PCDHGA3: variants seen among roughly 807,000 people sequenced by gnomAD.
PCDHGA3 encodes the protein protocadherin gamma-A3.
PCDHGA3 carries 40 observed loss-of-function variants against 58.5 expected under a neutral mutation model. The ratio of observed to expected loss-of-function variants is 0.68; its 90% CI spans 0.53 to 0.89. PCDHGA3 has a LOEUF of 0.89. PCDHGA3 is among the 40% of genes least tolerant of loss of function. PCDHGA3 has a pLI of 0.00. For missense variants in PCDHGA3, 1,223 were observed against 1,195.9 expected, an observed-to-expected ratio of 1.02 and a Z score of -0.33; for synonymous variants, 530 against 525.7, an observed-to-expected ratio of 1.01 and a Z score of -0.11.
chr5:141,432,700 G>A lies in PCDHGA3; in HGVS notation c.2425-62107G>A. On this transcript the variant is annotated intron_variant, in intron 1 of 3. Transcript: ENST00000253812. The surrounding 1 kb of genome is among the most constrained non-coding windows in gnomAD (Gnocchi z 6.0). ...AGCAGAGCCTCGTAGTGGCCGTCCAGGACCACGGCCAGCCCCCTCTCTCCG... is the reference window on the plus strand; with the variant it reads ...AGCAGAGCCTCGTAGTGGCCGTCCAAGACCACGGCCAGCCCCCTCTCTCCG... The A allele has an allele frequency of 6.2e-7, 1 of 1,613,980 alleles. No individual in the cohort carries two copies. The highest frequency in any genetic ancestry group is 8.5e-7 in the Non-Finnish European group (1 of 1,179,978).
Position 141,485,716 on chromosome 5 carries a change from T to C in PCDHGA3, c.2425-9091T>C. Reference sequence around the variant, plus strand: ...GCTCCAATGAACACTTTGCACTGGATGTGAAGAAGCGCAGCGACGGCAGCC... The same window carrying C: ...GCTCCAATGAACACTTTGCACTGGACGTGAAGAAGCGCAGCGACGGCAGCC... On this transcript the variant is annotated intron_variant, in intron 1 of 3. Coordinates refer to ENST00000253812, the MANE Select transcript of PCDHGA3 (RefSeq NM_018916.4). The surrounding 1 kb of genome is among the most constrained non-coding windows in gnomAD (Gnocchi z 5.7). The C allele has an allele frequency of 6.2e-7, 1 of 1,614,044 alleles. No individual in the cohort carries two copies. Among genetic ancestry groups the C allele is most frequent in the Non-Finnish European group, 8.5e-7 (1 of 1,180,002 alleles).
intron 1 of PCDHGA3, chr5:141,361,189 G>C: frequency 6.2e-7 from 1 of 1,613,964 alleles, no homozygotes; most frequent in Non-Finnish European, 8.5e-7. Flanking sequence ...TGTGACTTCA[G>C]TATCTACTCC....
At chr5:141,434,980 CTA>C in intron 1 of PCDHGA3, among the ~76,000 whole-genome samples, 1 of 151,954 alleles carries the variant, frequency 6.6e-6, no homozygotes, top group East Asian at 1.9e-4. Flanking sequence ...TGTTAATACT[CTA>C]TATCATTTTC....
rs773609097 is a variant in PCDHGA3 at position 141,408,614 on chromosome 5, A to C, written c.2424+62157A>C. 2.2e-5 allele frequency: 36 copies of C among 1,614,008 alleles called. No individual in the cohort carries two copies. Among genetic ancestry groups the C allele is most frequent in the Non-Finnish European group, 3.1e-5 (36 of 1,179,890 alleles). On this transcript the variant is annotated intron_variant, in intron 1 of 3. Coordinates refer to ENST00000253812, the MANE Select transcript of PCDHGA3 (RefSeq NM_018916.4). The stretch of plus-strand genomic sequence containing the variant: ...CGCCCCTCAATTTGATAAAAAGGAA[A>C]TACATTTAGAAATTTTCGAATCTGC...
At chr5:141,410,585 G>A in intron 1 of PCDHGA3, 1 of 1,610,012 alleles carries the variant, frequency 6.2e-7, no homozygotes, top group South Asian at 1.1e-5. Flanking sequence ...TCATGGTGGG[G>A]AGGATTTGAC....
intron 1 of PCDHGA3, among the ~76,000 whole-genome samples, chr5:141,488,713 C>A (rs1165389103): frequency 6.6e-6 from 1 of 152,184 alleles, no homozygotes; most frequent in Non-Finnish European, 1.5e-5. Context: ...CTGGTTCAAG[C>A]AAAGTGGTGG....
intron 1 of PCDHGA3, among the ~76,000 whole-genome samples, chr5:141,359,694 G>T (rs4912605): frequency 0.056 from 8,471 of 151,988 alleles, 245 homozygotes; most frequent in African/African-American, 0.071. Flanking sequence ...ACATATCTCC[G>T]GAAGGATACC....
intron 1 of PCDHGA3, chr5:141,422,432 A>T: frequency 6.2e-7 from 1 of 1,609,448 alleles, no homozygotes; most frequent in South Asian, 1.1e-5. Context: ...TATGGAAATT[A>T]TTACAAATTG....
intron 1 of PCDHGA3, among the ~76,000 whole-genome samples, chr5:141,368,964 A>G (rs531722915): frequency 3.9e-5 from 6 of 152,320 alleles, no homozygotes; most frequent in African/African-American, 1.4e-4. Flanking sequence ...TTAAGATGCT[A>G]TAATGCTTTT....
At chr5:141,413,970 G>A in intron 1 of PCDHGA3, 1 of 1,613,450 alleles carries the variant, frequency 6.2e-7, no homozygotes, top group Non-Finnish European at 8.5e-7. Flanking sequence ...GCACTCAGCT[G>A]CTGACAGTCA....
chr5:141,403,582 G>A (rs973617374), intron 1 of PCDHGA3: 1 of 1,613,910 alleles, frequency 6.2e-7, no homozygotes, highest in Non-Finnish European at 8.5e-7. Flanking sequence ...CCCACCACCT[G>A]GTCCTCACGG....
intron 3 of PCDHGA3, 122 bp downstream of exon 3, chr5:141,505,603 G>A (rs900982128): frequency 6.5e-7 from 1 of 1,534,594 alleles, no homozygotes; most frequent in African/African-American, 1.4e-5. Flanking sequence ...TCTTTCGGCA[G>A]GTCTGAAAGG....
chr5:141,399,510 C>G, intron 1 of PCDHGA3: 1 of 1,614,040 alleles, frequency 6.2e-7, no homozygotes, highest in East Asian at 2.2e-5. Flanking sequence ...CCGAAAACAA[C>G]CCTCCTGGGG....
At chr5:141,461,757 G>A (rs2099022119) in intron 1 of PCDHGA3, among the ~76,000 whole-genome samples, 1 of 151,994 alleles carries the variant, frequency 6.6e-6, no homozygotes, top group Non-Finnish European at 1.5e-5. Context: ...AGATTCAAGC[G>A]ATTCTCCTGC....
chr5:141,436,487 A>G (rs2097826897), intron 1 of PCDHGA3, among the ~76,000 whole-genome samples: 2 of 152,196 alleles, frequency 1.3e-5, no homozygotes, highest in Non-Finnish European at 2.9e-5. Context: ...GAAGGATAGC[A>G]GCTTTGCAAT....
At chr5:141,488,738 ATGCAGGAAGT>A (rs771423337) in intron 1 of PCDHGA3, among the ~76,000 whole-genome samples, 1 of 152,222 alleles carries the variant, frequency 6.6e-6, no homozygotes, top group Non-Finnish European at 1.5e-5. Flanking sequence ...TTCTGAAGTC[ATGCAGGAAGT>A]TGCTGGGACA....
intron 1 of PCDHGA3, chr5:141,378,008 G>C (rs1168840541): frequency 6.6e-6 from 1 of 152,090 alleles, no homozygotes; most frequent in Non-Finnish European, 1.5e-5. Context: ...GCTCAAATAA[G>C]CTCTACTTAT....
chr5:141,381,889 G>A (rs1385598954), intron 1 of PCDHGA3, among the ~76,000 whole-genome samples: 2 of 132,634 alleles, frequency 1.5e-5, no homozygotes, highest in Non-Finnish European at 3.1e-5. Context: ...GAGTGCAATG[G>A]TGTGATCTCG....
chr5:141,469,354 A>G (rs1160934469), intron 1 of PCDHGA3, among the ~76,000 whole-genome samples: 1 of 152,128 alleles, frequency 6.6e-6, no homozygotes, highest in Non-Finnish European at 1.5e-5. Flanking sequence ...AGGTGGATGG[A>G]TCATGAGGTA....
Sources: gnomAD v4.1 joint callset for allele counts (sites outside exome capture counted in the v4.1 genomes callset) on GRCh38, gnomAD v4.1.1 for gene constraint, Gnocchi (gnomAD v3.1) non-coding constraint, MANE v1.5 for transcripts, NCBI Gene and HGNC (gene_info 2026-07-23, HGNC 2026-07-21) for gene names.